ANK1: variants seen among roughly 807,000 people sequenced by gnomAD.
The protein encoded by ANK1 is ankyrin-1.
Under a neutral mutation model 210.4 loss-of-function variants are expected in ANK1, and 51 were observed. The ratio of observed to expected loss-of-function variants is 0.24; its 90% CI spans 0.19 to 0.31. The LOEUF (loss-of-function observed/expected upper bound fraction) is 0.31. ANK1 is among the 10% of genes least tolerant of loss of function. The pLI is 1.00. For missense variants in ANK1, 2,051 were observed against 2,504.4 expected (o/e 0.82, Z 3.86); for synonymous variants, 967 against 1,025.9 (o/e 0.94, Z 1.10).
intron 1 of ANK1, among the ~76,000 whole-genome samples, chr8:41,862,660 CA>C (rs60114930): frequency 0.51 from 50,773 of 99,588 alleles, 9,259 homozygotes; most frequent in African/African-American, 0.6. Flanking sequence ...GAGGCTCAGA[CA>C]AAAAAAAAAA....
At position 41,719,977 on chromosome 8, in the gene ANK1, T is replaced by C. The variant is rs78660118; in HGVS notation, c.910-119A>G. The C allele has an allele frequency of 0.051, 63,253 of 1,235,102 alleles. 1,940 individuals carry two copies. The highest frequency in any genetic ancestry group is 0.058 in the Non-Finnish European group (50,383 of 864,046). The allele number at this position is 1,235,102 out of a possible 1,614,324, so 76.5% of individuals were successfully genotyped here. A position where few individuals can be genotyped will look rare whatever the true frequency, so the allele number is the denominator to read the frequency against. Reference sequence around the variant, plus strand: ...CCTACACAATGTTTCCACAAGTCTCTGGAGGGAGCTTGGCTCACCCTGGCC... The same window carrying C: ...CCTACACAATGTTTCCACAAGTCTCCGGAGGGAGCTTGGCTCACCCTGGCC... On this transcript the variant is annotated intron_variant, in intron 9 of 42. Transcript: ENST00000289734.
At chr8:41,765,957 G>A (rs1841690438) in intron 1 of ANK1, among the ~76,000 whole-genome samples, 1 of 152,114 alleles carries the variant, frequency 6.6e-6, no homozygotes, top group Non-Finnish European at 1.5e-5. Context: ...TCTGGGGGTT[G>A]GGGTGGCCTA....
chr8:41,709,672 T>C (rs1206487350), intron 16 of ANK1, among the ~76,000 whole-genome samples: 2 of 152,250 alleles, frequency 1.3e-5, no homozygotes, highest in African/African-American at 2.4e-5. Flanking sequence ...ACAGTGTTCA[T>C]GCCTGTATTC....
In ANK1 at chr8:41,693,196, T is replaced by C. The variant is rs760852805; in HGVS notation, c.3538A>G (p.Thr1180Ala). 2.5e-6 allele frequency: 4 copies of C among 1,606,924 alleles called. No individual in the cohort carries two copies. The highest frequency in any genetic ancestry group is 3.4e-6 in the Non-Finnish European group (4 of 1,173,560). The change falls in exon 30 of 43, where the codon ACA becomes GCA. Residue 1180 changes from threonine to alanine, a missense_variant. Physicochemically the swap from Thr to Ala is moderately conservative, Grantham distance 58 (BLOSUM62 0). Transcript: ENST00000289734. ...ATGTCTTCCCACTGGGCTTGGTCTG[T>C]TCCTCCTGTAACAGCGGCAGAAATG... ...LRLLCSVIGGTDQAQWEDITG... is the reference protein window; with the variant it reads ...LRLLCSVIGGADQAQWEDITG...
At chr8:41,754,925 GA>G (rs1838729373) in intron 2 of ANK1, among the ~76,000 whole-genome samples, 1 of 152,228 alleles carries the variant, frequency 6.6e-6, no homozygotes, top group Admixed American at 6.5e-5. Flanking sequence ...ATAAAACAGG[GA>G]CCAACAGGGC....
chr8:41,781,251 A>T (rs773086431), intron 1 of ANK1, among the ~76,000 whole-genome samples: 33 of 152,216 alleles, frequency 2.2e-4, no homozygotes, highest in Non-Finnish European at 1.8e-4. Flanking sequence ...CTCTCCAGCC[A>T]CCTCAATCTC....
chr8:41,697,527 C>T (rs1438354235), intron 24 of ANK1, among the ~76,000 whole-genome samples: 2 of 152,092 alleles, frequency 1.3e-5, no homozygotes, highest in African/African-American at 2.4e-5. Context: ...CTGCTCTGCA[C>T]TCTGTGAGCA....
chr8:41,751,673 C>T (rs1443775771), intron 2 of ANK1, among the ~76,000 whole-genome samples: 2 of 151,942 alleles, frequency 1.3e-5, no homozygotes, highest in Non-Finnish European at 2.9e-5. Flanking sequence ...GCCTCCCCAC[C>T]TCTCCTCTCT....
At chr8:41,877,726 G>A (rs1037647925) in intron 1 of ANK1, among the ~76,000 whole-genome samples, 6 of 152,346 alleles carry the variant, frequency 3.9e-5, no homozygotes, top group Non-Finnish European at 5.9e-5. Flanking sequence ...AGGCGGGGGC[G>A]AAGTGGTCGC....
chr8:41,713,933 C>T (rs1030437224), intron 16 of ANK1, among the ~76,000 whole-genome samples: 1 of 152,200 alleles, frequency 6.6e-6, no homozygotes, highest in Admixed American at 6.5e-5. Flanking sequence ...CGAGGTAACC[C>T]CTGGCTGGGA....
intron 37 of ANK1, among the ~76,000 whole-genome samples, chr8:41,680,592 T>C (rs1387372832): frequency 6.7e-6 from 1 of 148,314 alleles, no homozygotes; most frequent in Non-Finnish European, 1.5e-5. Context: ...AAAGTATGGA[T>C]ACAGAGAGCA....
chr8:41,749,295 C>CTTTT lies in ANK1; in HGVS notation c.129+8737_129+8740dup, dbSNP rs35569972. On this transcript the variant is annotated intron_variant, in intron 2 of 42. Transcript: ENST00000289734. Reference sequence around the variant, plus strand: ...ATGAGCAGAGAAATTTCATCTTGGACTTTTTTTTTTTTTTTTTTTTGAGAT... The same window carrying CTTTT: ...ATGAGCAGAGAAATTTCATCTTGGACTTTTTTTTTTTTTTTTTTTTTTTTGAGAT... Among the ~76,000 whole-genome samples the CTTTT allele has an allele frequency of 3.5e-3, 407 of 115,392 alleles. 9 individuals carry two copies. Among genetic ancestry groups the CTTTT allele is most frequent in the East Asian group, 0.015 (60 of 4,040 alleles). 75.7% of individuals were successfully genotyped at this position (115,392 alleles called of 152,430 possible). A position where few individuals can be genotyped will look rare whatever the true frequency, so the allele number is the denominator to read the frequency against.
chr8:41,883,873 C>T (rs72640360), intron 1 of ANK1, among the ~76,000 whole-genome samples: 27,861 of 152,144 alleles, frequency 0.18, 2,648 homozygotes, highest in South Asian at 0.32. Flanking sequence ...AAGCACAGCT[C>T]TGTTGTCGAG....
chr8:41,791,439 CTT>C (rs1451701575), intron 1 of ANK1, among the ~76,000 whole-genome samples: 2 of 149,868 alleles, frequency 1.3e-5, no homozygotes, highest in African/African-American at 4.9e-5. Context: ...TTCTCTCTCT[CTT>C]TCTTTCTTTT....
rs141924760 is a variant in ANK1 at position 41,782,794 on chromosome 8, C to T, written c.27+14718G>A. ...AGTAAGCAAGGTGTAAATCTGGATCCGAAATTAGATGAAAAAATTCCATCC... is the reference window on the plus strand; with the variant it reads ...AGTAAGCAAGGTGTAAATCTGGATCTGAAATTAGATGAAAAAATTCCATCC... On this transcript the variant is annotated intron_variant, in intron 1 of 42. Transcript: ENST00000289734. Among the ~76,000 whole-genome samples, 938 of 152,136 alleles carry T rather than the reference C, an allele frequency of 6.2e-3. 7 individuals are homozygous for T. The highest frequency in any genetic ancestry group is 0.021 in the African/African-American group (866 of 41,494).
At chr8:41,703,939 A>T in intron 20 of ANK1, 102 bp downstream of exon 20, 1 of 1,128,630 alleles carries the variant, frequency 8.9e-7, no homozygotes, top group Non-Finnish European at 1.3e-6. Context: ...GGCCCCGTCC[A>T]GGCCCTAGAC....
upstream of ANK1, among the ~76,000 whole-genome samples, chr8:41,801,662 C>T (rs936691385): frequency 2.6e-5 from 4 of 152,126 alleles, no homozygotes; most frequent in Non-Finnish European, 5.9e-5. Flanking sequence ...TACTTTTCCT[C>T]TTCTATGAAA....
At chr8:41,741,353 T>C (rs1012991960) in intron 2 of ANK1, among the ~76,000 whole-genome samples, 36 of 152,140 alleles carry the variant, frequency 2.4e-4, no homozygotes, top group Admixed American at 2.4e-3. Context: ...CGTAGCCCAA[T>C]ACTTCTCATG....
rs189939970 is a variant in ANK1, at chr8:41,671,035, T to C, written c.5096+1319A>G. Among the ~76,000 whole-genome samples, 199 of 152,286 alleles carry C rather than the reference T, an allele frequency of 1.3e-3. 2 individuals are homozygous for C. The East Asian group carries it at 0.026, about 20-fold the overall frequency. On this transcript the variant is annotated intron_variant, in intron 38 of 42. Transcript: ENST00000289734. ...CTTCCCTGCACTCAGCGGAGGGGCA[T>C]GGTGTAGGCCCTGGCCCAGATGGGA... is the stretch of plus-strand genomic sequence containing the variant.
Sources: allele counts gnomAD v4.1 joint callset (sites outside exome capture counted in the v4.1 genomes callset), GRCh38; gene constraint gnomAD v4.1.1; transcripts MANE v1.5; gene names NCBI Gene and HGNC (gene_info 2026-07-23, HGNC 2026-07-21).